Variants in EXOG observed in about 807,000 individuals in gnomAD.
EXOG encodes nuclease EXOG, mitochondrial.
A neutral mutation model predicts 25.8 loss-of-function variants in EXOG; 27 were observed. That is an observed-to-expected ratio of 1.05 (90% CI 0.77 to 1.45). The LOEUF (loss-of-function observed/expected upper bound fraction) is 1.45, where lower values mean the gene tolerates loss of function less well. Ranked by LOEUF, EXOG falls within the 40% of genes most tolerant of loss-of-function variation. EXOG has a pLI of 0.00. For missense variants in EXOG, 458 were observed against 450.5 expected (o/e 1.02, Z -0.15); for synonymous variants, 133 against 167.0 (o/e 0.80, Z 1.57).
rs1433639111 is a variant in EXOG, at chr3:38,526,148, A to G, written c.*1786A>G. On this transcript the variant is annotated 3_prime_UTR_variant, in exon 6 of 6. Transcript: ENST00000287675. ...AGTCCTTTCATGGACTATCCTGAGTATTGTCAGTAAAACGTCTTGGGGCAT... is the reference window on the plus strand; with the variant it reads ...AGTCCTTTCATGGACTATCCTGAGTGTTGTCAGTAAAACGTCTTGGGGCAT... 1 of 985,260 alleles carries G rather than the reference A, an allele frequency of 1.0e-6. No homozygotes were observed. Among genetic ancestry groups the G allele is most frequent in the Non-Finnish European group, 1.2e-6 (1 of 829,920 alleles). 61.0% of individuals were successfully genotyped at this position (985,260 alleles called of 1,614,324 possible). A position where few individuals can be genotyped will look rare whatever the true frequency, so the allele number is the denominator to read the frequency against.
At chr3:38,511,519 A>C (rs1295850576) in intron 5 of EXOG, among the ~76,000 whole-genome samples, 1 of 152,238 alleles carries the variant, frequency 6.6e-6, no homozygotes, top group African/African-American at 2.4e-5. Flanking sequence ...AATTTGGACC[A>C]AATTATAAAG....
intron 5 of EXOG, among the ~76,000 whole-genome samples, chr3:38,522,706 G>A (rs2060757694): frequency 6.6e-6 from 1 of 152,070 alleles, no homozygotes; most frequent in Non-Finnish European, 1.5e-5. Context: ...GTTTCTCCAT[G>A]TTGGTCAGGC....
intron 5 of EXOG, among the ~76,000 whole-genome samples, chr3:38,517,874 A>G (rs2060596756): frequency 2.0e-5 from 3 of 152,178 alleles, no homozygotes; most frequent in South Asian, 4.1e-4. Context: ...ACTTTTATAT[A>G]TTTATGTTTT....
In EXOG at chr3:38,525,348, A is replaced by G. The variant is rs1182145905; in HGVS notation, c.*986A>G. On this transcript the variant is annotated 3_prime_UTR_variant, in exon 6 of 6. Coordinates refer to ENST00000287675, the MANE Select transcript of EXOG (RefSeq NM_005107.4). ...TGACATGGATGGTGGCTTTTTACTCAGAAATATATACCTATTTCCATGGGT... is the reference window on the plus strand; with the variant it reads ...TGACATGGATGGTGGCTTTTTACTCGGAAATATATACCTATTTCCATGGGT... 13 of 985,212 alleles carry G rather than the reference A, an allele frequency of 1.3e-5. No homozygotes were observed. Among genetic ancestry groups the G allele is most frequent in the Non-Finnish European group, 4.8e-6 (4 of 829,816 alleles). The allele number at this position is 985,212 out of a possible 1,614,324, so 61.0% of individuals were successfully genotyped here.
Position 38,525,649 on chromosome 3 carries a change from TGAAG to T in EXOG, c.*1290_*1293del. 1 of 984,970 alleles carries T rather than the reference TGAAG, an allele frequency of 1.0e-6. No homozygotes were observed. Among genetic ancestry groups the T allele is most frequent in the East Asian group, 1.1e-4 (1 of 8,806 alleles). The allele number at this position is 984,970 out of a possible 1,614,324, so 61.0% of individuals were successfully genotyped here. On this transcript the variant is annotated 3_prime_UTR_variant, in exon 6 of 6. Transcript: ENST00000287675. ...TTTGTTCTTAAGATTAAGAAACCTA[TGAAG>T]GATCTGCAGCCAGGCATGGTGGCTC...
intron 5 of EXOG, among the ~76,000 whole-genome samples, chr3:38,512,632 G>A (rs932078918): frequency 4.6e-5 from 7 of 151,952 alleles, no homozygotes; most frequent in Admixed American, 4.6e-4. Flanking sequence ...CTCTAATCTT[G>A]ATCTACCATT....
chr3:38,524,681 A>T lies in EXOG; in HGVS notation c.*319A>T. The T allele has an allele frequency of 9.7e-7, 1 of 1,031,050 alleles. No individual in the cohort carries two copies. The highest frequency in any genetic ancestry group is 1.2e-6 in the Non-Finnish European group (1 of 860,132). The allele number at this position is 1,031,050 out of a possible 1,614,324, so 63.9% of individuals were successfully genotyped here. ...TAAATTTATGACTAAAAATTCCCCCAAAAGATGAAAGATCTACAATGTTTT... is the reference window on the plus strand; with the variant it reads ...TAAATTTATGACTAAAAATTCCCCCTAAAGATGAAAGATCTACAATGTTTT... On this transcript the variant is annotated 3_prime_UTR_variant, in exon 6 of 6. Coordinates refer to ENST00000287675, the MANE Select transcript of EXOG (RefSeq NM_005107.4).
chr3:38,517,894 A>G lies in EXOG; in HGVS notation c.646-6007A>G, dbSNP rs140174279. ...TATATATTTATGTTTTTCACTAACA[A>G]ATATCTCCATAATAATACTGCTTTT... On this transcript the variant is annotated intron_variant, in intron 5 of 5. Coordinates refer to ENST00000287675, the MANE Select transcript of EXOG (RefSeq NM_005107.4). Among the ~76,000 whole-genome samples the G allele has an allele frequency of 1.0e-3, 156 of 152,340 alleles. 1 individual carries two copies. Among genetic ancestry groups the G allele is most frequent in the African/African-American group, 3.6e-3 (151 of 41,586 alleles).
chr3:38,508,862 C>T (rs2060285204), intron 5 of EXOG, among the ~76,000 whole-genome samples: 1 of 152,218 alleles, frequency 6.6e-6, no homozygotes, highest in East Asian at 1.9e-4. Flanking sequence ...TCTCTTTTTC[C>T]ACACAAAATT....
chr3:38,510,437 A>G (rs1271624620), intron 5 of EXOG, among the ~76,000 whole-genome samples: 1 of 152,160 alleles, frequency 6.6e-6, no homozygotes, highest in Non-Finnish European at 1.5e-5. Flanking sequence ...CTGATTTTTA[A>G]AATTGTTCTG....
chr3:38,522,779 C>T (rs1403602065), intron 5 of EXOG, among the ~76,000 whole-genome samples: 1 of 152,238 alleles, frequency 6.6e-6, no homozygotes, highest in African/African-American at 2.4e-5. Context: ...GCTGGGATTA[C>T]AGGCATGAGC....
chr3:38,504,988 CAG>C (rs1407173059), intron 4 of EXOG, among the ~76,000 whole-genome samples: 1 of 152,196 alleles, frequency 6.6e-6, no homozygotes, highest in Non-Finnish European at 1.5e-5. Flanking sequence ...TTGCCCCACT[CAG>C]ATTATTTTTA....
intron 5 of EXOG, among the ~76,000 whole-genome samples, chr3:38,507,327 A>C (rs904236149): frequency 8.5e-5 from 13 of 152,350 alleles, no homozygotes; most frequent in African/African-American, 3.1e-4. Context: ...TAAAAGAGGA[A>C]GTGATATTGA....
chr3:38,524,114 A>G lies in EXOG; in HGVS notation c.859A>G (p.Thr287Ala), dbSNP rs2060809875. Reference sequence around the variant, plus strand: ...GGTGTTTTTTCCTCATTTGGATAGAACTAGTGATATCCGGAATATCTGCTC... The same window carrying G: ...GGTGTTTTTTCCTCATTTGGATAGAGCTAGTGATATCCGGAATATCTGCTC... ...GLVFFPHLDR[T>A]SDIRNICSVD... Residue 287 changes from threonine (T) to alanine (A), a missense_variant, in exon 6 of 6, where the codon ACT (threonine) becomes GCT (alanine). Transcript: ENST00000287675. The G allele has an allele frequency of 1.2e-6, 2 of 1,614,028 alleles. No individual in the cohort carries two copies. Among genetic ancestry groups the G allele is most frequent in the South Asian group, 2.2e-5 (2 of 91,076 alleles).
At chr3:38,511,251 G>A (rs2060361096) in intron 5 of EXOG, among the ~76,000 whole-genome samples, 2 of 151,680 alleles carry the variant, frequency 1.3e-5, no homozygotes, top group Non-Finnish European at 2.9e-5. Flanking sequence ...TAGACATACC[G>A]AAGCTCTGAA....
In EXOG at chr3:38,526,049, A is replaced by G. The variant is rs1333860611; in HGVS notation, c.*1687A>G. On this transcript the variant is annotated 3_prime_UTR_variant, in exon 6 of 6. Transcript: ENST00000287675. ...ACCTAGCATAGTAGGCCAAAGGTCC[A>G]AAGGCATTTAGCATTCCTAGGGGAA... is the stretch of plus-strand genomic sequence containing the variant. The G allele has an allele frequency of 1.0e-6, 1 of 985,406 alleles. No individual in the cohort carries two copies. The highest frequency in any genetic ancestry group is 1.2e-6 in the Non-Finnish European group (1 of 829,890). 61.0% of individuals were successfully genotyped at this position (985,406 alleles called of 1,614,324 possible). A position where few individuals can be genotyped will look rare whatever the true frequency, so the allele number is the denominator to read the frequency against.
chr3:38,508,403 T>C (rs2125772008), intron 5 of EXOG, among the ~76,000 whole-genome samples: 1 of 152,260 alleles, frequency 6.6e-6, no homozygotes, highest in African/African-American at 2.4e-5. Flanking sequence ...CAGGTGTTCT[T>C]AGAAAAAGTT....
chr3:38,508,125 C>T (rs1183015144), intron 5 of EXOG, among the ~76,000 whole-genome samples: 2 of 151,996 alleles, frequency 1.3e-5, no homozygotes, highest in East Asian at 3.9e-4. Context: ...AGCAAGACTC[C>T]ACCTCGAAAA....
chr3:38,496,744 T>C (rs2059901824), intron 1 of EXOG: 2 of 1,436,122 alleles, frequency 1.4e-6, no homozygotes, highest in Middle Eastern at 1.8e-4. Flanking sequence ...CCCCCGGGCA[T>C]CTTCGTTTTC....
Sources: gnomAD v4.1 joint callset for allele counts (sites outside exome capture counted in the v4.1 genomes callset) on GRCh38, gnomAD v4.1.1 for gene constraint, MANE v1.5 for transcripts, NCBI Gene and HGNC (gene_info 2026-07-23, HGNC 2026-07-21) for gene names.